Variants in HDAC9 observed in about 807,000 individuals in gnomAD.
The protein encoded by HDAC9 is MEF-2 interacting transcription repressor (MITR) protein.
Under a neutral mutation model 139.4 loss-of-function variants are expected in HDAC9, and 41 were observed. The observed-to-expected ratio is 0.29, with a 90% CI of 0.23 to 0.38. The LOEUF (loss-of-function observed/expected upper bound fraction) is 0.38. Among genes scored for constraint, HDAC9 ranks in the 10% least tolerant of loss-of-function variants. HDAC9 has a pLI of 1.00. For missense variants in HDAC9, 1,147 were observed against 1,297.0 expected (o/e 0.88, Z 1.78); for synonymous variants, 517 against 476.2 (o/e 1.09, Z -1.12).
At chr7:18,681,387 T>G (rs1584827976) in intron 12 of HDAC9, among the ~76,000 whole-genome samples, 1 of 152,048 alleles carries the variant, frequency 6.6e-6, no homozygotes, top group East Asian at 1.9e-4. Flanking sequence ...AAAACTTTTT[T>G]CTTTTATAGT....
chr7:18,502,109 T>C (rs1373819156), intron 2 of HDAC9, among the ~76,000 whole-genome samples: 1 of 152,164 alleles, frequency 6.6e-6, no homozygotes, highest in Non-Finnish European at 1.5e-5. Flanking sequence ...GCATTATGTA[T>C]GTTTATGCAT....
At chr7:18,844,748 T>C (rs1255430258) in intron 21 of HDAC9, among the ~76,000 whole-genome samples, 2 of 152,166 alleles carry the variant, frequency 1.3e-5, no homozygotes, top group African/African-American at 4.8e-5. Context: ...ATTTATAATT[T>C]GAAAGTTTTA....
intron 22 of HDAC9, among the ~76,000 whole-genome samples, chr7:18,932,864 G>GAAAGAAAGAAAGAAAGAAAGAAA (rs369930715): frequency 2.7e-5 from 4 of 150,316 alleles, no homozygotes; most frequent in Non-Finnish European, 5.9e-5. Context: ...AAGAAAGAAA[G>GAAAGAAAGAAAGAAAGAAAGAAA]AAAGAAAGAA....
intron 2 of HDAC9, among the ~76,000 whole-genome samples, chr7:18,222,061 T>A (rs1646040599): frequency 6.6e-6 from 1 of 152,174 alleles, no homozygotes; most frequent in African/African-American, 2.4e-5. Context: ...TTGCTAGTAG[T>A]GGGTCAAAGG....
intron 3 of HDAC9, among the ~76,000 whole-genome samples, chr7:18,587,343 T>C (rs1444020019): frequency 2.0e-5 from 3 of 152,190 alleles, no homozygotes; most frequent in Non-Finnish European, 4.4e-5. Flanking sequence ...AAGGAAAATT[T>C]AGCTTTTAAA....
At chr7:18,696,165 T>C (rs1181299274) in intron 12 of HDAC9, among the ~76,000 whole-genome samples, 1 of 151,970 alleles carries the variant, frequency 6.6e-6, no homozygotes, top group Admixed American at 6.5e-5. Flanking sequence ...AGGATACATT[T>C]ATATAGTATT....
intron 1 of HDAC9, among the ~76,000 whole-genome samples, chr7:18,459,982 C>A (rs1190561625): frequency 6.8e-6 from 1 of 146,226 alleles, no homozygotes; most frequent in African/African-American, 2.5e-5. Flanking sequence ...TTCTGCTCAT[C>A]ACCCATGGCT....
At chr7:18,618,693 G>T (rs1316248851) in intron 6 of HDAC9, among the ~76,000 whole-genome samples, 2 of 133,294 alleles carry the variant, frequency 1.5e-5, no homozygotes, top group Admixed American at 1.6e-4. Context: ...CTATTTGAAT[G>T]GTATATAAAA....
chr7:18,361,770 T>TC (rs1472081725), intron 1 of HDAC9, among the ~76,000 whole-genome samples: 1 of 152,030 alleles, frequency 6.6e-6, no homozygotes, highest in Non-Finnish European at 1.5e-5. Flanking sequence ...TTGTCCATAG[T>TC]CCACAAAACA....
At chr7:18,566,569 C>G (rs151008140) in intron 2 of HDAC9, among the ~76,000 whole-genome samples, 5 of 152,118 alleles carry the variant, frequency 3.3e-5, no homozygotes, top group Non-Finnish European at 7.3e-5. Flanking sequence ...GTAGAGGAAG[C>G]CTTGGGAATC....
intron 1 of HDAC9, among the ~76,000 whole-genome samples, chr7:18,119,573 GAAGA>G (rs1784232494): frequency 1.3e-5 from 2 of 152,330 alleles, no homozygotes; most frequent in Middle Eastern, 6.8e-3. Flanking sequence ...AAGGAAACAG[GAAGA>G]GAGATTGAGG....
chr7:18,862,636 C>T (rs1413222449), intron 21 of HDAC9, among the ~76,000 whole-genome samples: 1 of 152,100 alleles, frequency 6.6e-6, no homozygotes, highest in African/African-American at 2.4e-5. Flanking sequence ...ATACAGTGTT[C>T]CAATGCTCAT....
chr7:18,744,580 G>A (rs923677829), intron 13 of HDAC9, among the ~76,000 whole-genome samples: 1 of 152,082 alleles, frequency 6.6e-6, no homozygotes, highest in Non-Finnish European at 1.5e-5. Flanking sequence ...TAGTCCAAAT[G>A]TTCTAAACTC....
chr7:18,329,444 C>G (rs1800733223), intron 1 of HDAC9, among the ~76,000 whole-genome samples: 1 of 150,344 alleles, frequency 6.7e-6, no homozygotes, highest in Non-Finnish European at 1.5e-5. Context: ...TATTATTTGT[C>G]AGTTAAAATA....
chr7:18,884,671 C>G (rs1438633124), intron 22 of HDAC9, among the ~76,000 whole-genome samples: 1 of 152,190 alleles, frequency 6.6e-6, no homozygotes, highest in African/African-American at 2.4e-5. Context: ...TTTTACAAGT[C>G]TCCCTCTGCA....
At chr7:18,933,783 A>G (rs1031607312) in intron 22 of HDAC9, among the ~76,000 whole-genome samples, 2 of 152,274 alleles carry the variant, frequency 1.3e-5, no homozygotes, top group African/African-American at 4.8e-5. Flanking sequence ...AGAAATAAAA[A>G]CATAAACAAG....
At chr7:18,744,133 G>T (rs1215545046) in intron 13 of HDAC9, among the ~76,000 whole-genome samples, 1 of 150,746 alleles carries the variant, frequency 6.6e-6, no homozygotes, top group African/African-American at 2.4e-5. Context: ...TGGGATTGCA[G>T]GCATATACCA....
intron 2 of HDAC9, among the ~76,000 whole-genome samples, chr7:18,552,549 C>G (rs952099937): frequency 1.3e-5 from 2 of 152,074 alleles, no homozygotes; most frequent in African/African-American, 4.8e-5. Context: ...GAAGCTGCTT[C>G]TTTATTTCAG....
intron 2 of HDAC9, among the ~76,000 whole-genome samples, chr7:18,562,572 G>T (rs1820949074): frequency 6.6e-6 from 1 of 152,030 alleles, no homozygotes; most frequent in South Asian, 2.1e-4. Flanking sequence ...TAAATGTAAT[G>T]GTTTCTTTCT....
Sources: allele counts gnomAD v4.1 joint callset (sites outside exome capture counted in the v4.1 genomes callset), GRCh38; gene constraint gnomAD v4.1.1; transcripts MANE v1.5; gene names NCBI Gene and HGNC (gene_info 2026-07-23, HGNC 2026-07-21).